Variants in FAM151A observed in about 807,000 individuals in gnomAD.
FAM151A encodes family with sequence similarity 151 member A.
A neutral mutation model predicts 40.4 loss-of-function variants in FAM151A; 41 were observed. That is an observed-to-expected ratio of 1.01 (90% CI 0.79 to 1.32). The LOEUF (loss-of-function observed/expected upper bound fraction) is 1.32. Ranked by LOEUF, FAM151A falls within the 40% of genes most tolerant of loss-of-function variation. The probability of loss-of-function intolerance (pLI) is 0.00; values close to 1 mark genes in which losing one functional copy is unlikely to be tolerated. For missense variants in FAM151A, 740 were observed against 740.4 expected (o/e 1.00, Z 0.01); for synonymous variants, 337 against 312.5 (o/e 1.08, Z -0.83).
At chr1:54,622,884 G>C (rs903614531) in intron 1 of FAM151A, among the ~76,000 whole-genome samples, 1 of 151,950 alleles carries the variant, frequency 6.6e-6, no homozygotes, top group Non-Finnish European at 1.5e-5. Flanking sequence ...GGCTCAAGAA[G>C]AGCTGGTTGG....
rs1349704335 is a variant in FAM151A, at chr1:54,623,378, C to A, written c.18G>T (p.Gln6His). The change falls in exon 1 of 8, where the codon CAG becomes CAT. Residue 6 changes from glutamine (Q) to histidine (H), a missense_variant. Physicochemically the swap from Gln to His is conservative, Grantham distance 24. Coordinates refer to ENST00000302250, the MANE Select transcript of FAM151A (RefSeq NM_176782.3). The stretch of plus-strand genomic sequence containing the variant: ...CCCACTTGACCTGATTCTTTGATAA[C>A]TGCTCCCTGCAGACCATGGCGACGC... MVCRE[Q>H]LSKNQVKWVF... is the part of the protein sequence containing the mutation. 2 of 1,613,760 alleles carry A rather than the reference C, an allele frequency of 1.2e-6. No individual in the cohort carries two copies. The highest frequency in any genetic ancestry group is 1.7e-6 in the Non-Finnish European group (2 of 1,179,862).
chr1:54,616,764 T>TA (rs765970907), intron 2 of FAM151A, among the ~76,000 whole-genome samples: 7 of 152,212 alleles, frequency 4.6e-5, no homozygotes, highest in Non-Finnish European at 7.3e-5. Flanking sequence ...GATCTTTTTT[T>TA]ATGCATCTCT....
chr1:54,618,013 C>T (rs1024277709), intron 2 of FAM151A, among the ~76,000 whole-genome samples: 1 of 152,150 alleles, frequency 6.6e-6, no homozygotes, highest in African/African-American at 2.4e-5. Flanking sequence ...AGGCATGAGC[C>T]ACCAGGCCTG....
intron 3 of FAM151A, 102 bp from the exon 4 acceptor site, chr1:54,614,961 C>A: frequency 8.4e-7 from 1 of 1,196,902 alleles, no homozygotes; most frequent in Non-Finnish European, 1.2e-6. Context: ...TGTGCATGTG[C>A]GTGCACAGTG....
rs555548251 is a variant in FAM151A at position 54,609,909 on chromosome 1, G to A, written c.1117C>T (p.Leu373Phe). ...GGGTTTTCAGCCACAGTTCCCTCGA[G>A]GCCAGTGTTCAGCAGGATCATGCCT... ...TEGMILLNTG[L>F]EGTVAENPVP... is the part of the protein sequence containing the mutation. The change falls in exon 8 of 8, where the codon CTC becomes TTC. Residue 373 changes from leucine (L) to phenylalanine (F), a missense_variant. Coordinates refer to ENST00000302250, the MANE Select transcript of FAM151A (RefSeq NM_176782.3). 6 of 1,609,676 alleles carry A rather than the reference G, an allele frequency of 3.7e-6. No homozygotes were observed. The highest frequency in any genetic ancestry group is 1.7e-5 in the Admixed American group (1 of 60,028).
chr1:54,619,233 C>T (rs898422142), intron 2 of FAM151A, among the ~76,000 whole-genome samples: 1 of 152,212 alleles, frequency 6.6e-6, no homozygotes, highest in African/African-American at 2.4e-5. Flanking sequence ...TTAAAGTTCA[C>T]TAGCATGTTC....
chr1:54,620,100 T>C, intron 1 of FAM151A, 93 bp from the exon 2 acceptor site: 1 of 1,355,898 alleles, frequency 7.4e-7, no homozygotes, highest in Non-Finnish European at 1.0e-6. Context: ...GGGCTCCCAC[T>C]GTGTCCAGTA....
Position 54,612,571 on chromosome 1 carries a change from G to C in FAM151A, c.715C>G (p.Pro239Ala). 1 of 1,614,070 alleles carries C rather than the reference G, an allele frequency of 6.2e-7. No homozygotes were observed. The highest frequency in any genetic ancestry group is 8.5e-7 in the Non-Finnish European group (1 of 1,180,004). ...CGTACAGGGAAGGTGACCCTCTGGG[G>C]CACTCCTCCCACCAGCTCGTGCATC... ...EKMHELVGGV[P>A]QRVTFPVRSS... Residue 239 changes from proline to alanine, a missense_variant, in exon 5 of 8, where the codon CCC (proline) becomes GCC (alanine). Physicochemically the swap from Pro to Ala is conservative, Grantham distance 27 (BLOSUM62 -1). Transcript: ENST00000302250.
chr1:54,616,845 T>C (rs548738510), intron 2 of FAM151A, among the ~76,000 whole-genome samples: 1 of 152,336 alleles, frequency 6.6e-6, no homozygotes, highest in South Asian at 2.1e-4. Context: ...ACTATGTAGT[T>C]GATCATCCCC....
Position 54,623,300 on chromosome 1 carries a change from A to G in FAM151A, c.96T>C (p.Leu32=), listed in dbSNP as rs1644249274. Reference sequence around the variant, plus strand: ...TACCTGGCCGCCGCAGGGTGATGGCAAGGACTATTGCGGCAATGACCACCA... The same window carrying G: ...TACCTGGCCGCCGCAGGGTGATGGCGAGGACTATTGCGGCAATGACCACCA... The part of the protein sequence containing the change: ...VSVVVIAAIV[L]AITLRRPGCE... The change falls in exon 1 of 8, where the codon CTT becomes CTC. Residue 32 remains leucine, a synonymous_variant. Transcript: ENST00000302250. 9 of 1,613,990 alleles carry G rather than the reference A, an allele frequency of 5.6e-6. No individual in the cohort carries two copies. Among genetic ancestry groups the G allele is most frequent in the Non-Finnish European group, 6.8e-6 (8 of 1,179,926 alleles).
intron 4 of FAM151A, among the ~76,000 whole-genome samples, chr1:54,613,988 C>T (rs1644144971): frequency 6.6e-6 from 1 of 152,206 alleles, no homozygotes; most frequent in Admixed American, 6.5e-5. Context: ...AGTAATACTA[C>T]CTACCTCATT....
chr1:54,620,012 A>T lies in FAM151A; in HGVS notation c.119-5T>A. Reference sequence around the variant, plus strand: ...TGCAGGCCTCCAGCTCACAGCCTGGAAGGAATCCCAAGGGGCTGTTAGCGT... The same window carrying T: ...TGCAGGCCTCCAGCTCACAGCCTGGTAGGAATCCCAAGGGGCTGTTAGCGT... On this transcript the variant is annotated splice_region_variant and splice_polypyrimidine_tract_variant and intron_variant, in intron 1 of 7. Coordinates refer to ENST00000302250, the MANE Select transcript of FAM151A (RefSeq NM_176782.3). The T allele has an allele frequency of 5.3e-6, 6 of 1,128,318 alleles. No individual in the cohort carries two copies. The highest frequency in any genetic ancestry group is 7.8e-6 in the Non-Finnish European group (6 of 767,000). 69.9% of individuals were successfully genotyped at this position (1,128,318 alleles called of 1,614,324 possible). A position where few individuals can be genotyped will look rare whatever the true frequency, so the allele number is the denominator to read the frequency against.
intron 1 of FAM151A, among the ~76,000 whole-genome samples, chr1:54,622,741 A>G (rs1025157810): frequency 6.8e-6 from 1 of 148,056 alleles, no homozygotes. Context: ...ACTCCGTCTC[A>G]AAAAAAATAG....
rs1041873519 is a variant in FAM151A, at chr1:54,610,518, G to A, written c.978C>T (p.Gly326=). The A allele has an allele frequency of 1.3e-5, 21 of 1,613,436 alleles. No individual in the cohort carries two copies. The highest frequency in any genetic ancestry group is 1.8e-5 in the Non-Finnish European group (21 of 1,179,704). Reference sequence around the variant, plus strand: ...GCAGCTGGAGAAGAGGGATCAGGCTGCCTCCCGTGTAGTACATTGGTTTCC... The same window carrying A: ...GCAGCTGGAGAAGAGGGATCAGGCTACCTCCCGTGTAGTACATTGGTTTCC... The part of the protein sequence containing the change: ...ATRKPMYYTG[G]SLIPLLQLPG... Residue 326 remains glycine, a synonymous_variant, in exon 7 of 8, where the codon GGC becomes GGT. Transcript: ENST00000302250.
chr1:54,610,556 C>T lies in FAM151A; in HGVS notation c.941-1G>A. 1 of 1,610,108 alleles carries T rather than the reference C, an allele frequency of 6.2e-7. No homozygotes were observed. The highest frequency in any genetic ancestry group is 8.5e-7 in the Non-Finnish European group (1 of 1,177,636). ...TACATTGGTTTCCGTGTGGCATTCACTGTGGGGCCCCAAATCGCCAAGGTG... is the reference window on the plus strand; with the variant it reads ...TACATTGGTTTCCGTGTGGCATTCATTGTGGGGCCCCAAATCGCCAAGGTG... On this transcript the variant is annotated splice_acceptor_variant, in intron 6 of 7. Coordinates refer to ENST00000302250, the MANE Select transcript of FAM151A (RefSeq NM_176782.3). LOFTEE classifies it high-confidence loss of function.
At chr1:54,623,094 T>A (rs1644246538) in intron 1 of FAM151A, among the ~76,000 whole-genome samples, 184 bp downstream of exon 1, 1 of 151,654 alleles carries the variant, frequency 6.6e-6, no homozygotes, top group Non-Finnish European at 1.5e-5. Flanking sequence ...GAGAATCGCT[T>A]GAACCTGGGA....
Position 54,609,944 on chromosome 1 carries a change from G to C in FAM151A, c.1085-3C>G, listed in dbSNP as rs770059133. 6 of 1,600,294 alleles carry C rather than the reference G, an allele frequency of 3.7e-6. No individual in the cohort carries two copies. The highest frequency in any genetic ancestry group is 5.1e-6 in the Non-Finnish European group (6 of 1,176,946). The stretch of plus-strand genomic sequence containing the variant: ...CAGCAGGATCATGCCTTCTGTGTCT[G>C]GAAGAGGCGGCAGAGGCAACAGTGT... On this transcript the variant is annotated splice_polypyrimidine_tract_variant and splice_region_variant and intron_variant, in intron 7 of 7. Transcript: ENST00000302250.
chr1:54,610,187 G>T (rs964101784), intron 7 of FAM151A: 1 of 1,433,182 alleles, frequency 7.0e-7, no homozygotes, highest in Non-Finnish European at 9.1e-7. Context: ...TGCCGGCCTT[G>T]CCTGCAGCAA....
rs756429965 is a variant in FAM151A at position 54,616,187 on chromosome 1, A to T, written c.263-15T>A. Reference sequence around the variant, plus strand: ...TGTGATGTTGCCTGTGGAAGGGGCAACAACTCAGTGAGTTCCTTTTTTTAA... The same window carrying T: ...TGTGATGTTGCCTGTGGAAGGGGCATCAACTCAGTGAGTTCCTTTTTTTAA... On this transcript the variant is annotated splice_polypyrimidine_tract_variant and intron_variant, in intron 2 of 7. Coordinates refer to ENST00000302250, the MANE Select transcript of FAM151A (RefSeq NM_176782.3). 1.9e-6 allele frequency: 3 copies of T among 1,602,804 alleles called. No homozygotes were observed. Among genetic ancestry groups the T allele is most frequent in the Non-Finnish European group, 8.5e-7 (1 of 1,173,504 alleles).
Sources: allele counts gnomAD v4.1 joint callset (sites outside exome capture counted in the v4.1 genomes callset), GRCh38; gene constraint gnomAD v4.1.1; transcripts MANE v1.5; gene names NCBI Gene and HGNC (gene_info 2026-07-23, HGNC 2026-07-21).